The following CAMKMT variants were observed in gnomAD, a reference collection of about 807,000 sequenced individuals.
CAMKMT encodes CaM KMT.
A neutral mutation model predicts 48.0 loss-of-function variants in CAMKMT; 53 were observed. That is an observed-to-expected ratio of 1.10 (90% CI 0.89 to 1.39). The LOEUF is 1.39. Among genes scored for constraint, CAMKMT ranks in the 40% most tolerant of loss-of-function variants. The pLI, the probability that CAMKMT is intolerant of heterozygous loss-of-function variation, is 0.00. For synonymous variants in CAMKMT, 165 were observed against 152.3 expected (o/e 1.08, Z -0.61); for missense variants, 428 against 402.7 (o/e 1.06, Z -0.54).
intron 3 of CAMKMT, among the ~76,000 whole-genome samples, chr2:44,642,881 A>G (rs538789): frequency 0.062 from 9,401 of 152,206 alleles, 364 homozygotes; most frequent in South Asian, 0.15. Flanking sequence ...TAAAGATAGA[A>G]CATACAATTA....
intron 3 of CAMKMT, among the ~76,000 whole-genome samples, chr2:44,460,508 AAC>A (rs1182823245): frequency 6.6e-6 from 1 of 152,150 alleles, no homozygotes; most frequent in African/African-American, 2.4e-5. Context: ...ACTTATCAAA[AAC>A]AGTTCAAATT....
intron 2 of CAMKMT, among the ~76,000 whole-genome samples, chr2:44,381,865 A>G (rs1236023689): frequency 1.3e-5 from 2 of 151,070 alleles, no homozygotes; most frequent in Non-Finnish European, 2.9e-5. Flanking sequence ...AAGGAACCGT[A>G]TATTGCTTTT....
intron 3 of CAMKMT, among the ~76,000 whole-genome samples, chr2:44,489,284 C>T (rs906275734): frequency 3.6e-5 from 5 of 139,272 alleles, no homozygotes; most frequent in Non-Finnish European, 6.1e-5. Context: ...CTTGCTCTGT[C>T]GCCCAGGCTG....
chr2:44,389,835 G>C (rs944726591), intron 2 of CAMKMT, among the ~76,000 whole-genome samples: 2 of 152,100 alleles, frequency 1.3e-5, no homozygotes, highest in Admixed American at 1.3e-4. Context: ...CTGAAGTTCT[G>C]AATTTTTTGT....
At chr2:44,636,721 A>G (rs761501603) in intron 3 of CAMKMT, among the ~76,000 whole-genome samples, 2 of 152,190 alleles carry the variant, frequency 1.3e-5, no homozygotes, top group Non-Finnish European at 2.9e-5. Context: ...TTATGTATAC[A>G]TTTCCTATGC....
intron 3 of CAMKMT, among the ~76,000 whole-genome samples, chr2:44,402,327 TAA>T (rs61683632): frequency 0.12 from 13,803 of 116,318 alleles, 984 homozygotes; most frequent in African/African-American, 0.24. Context: ...AGACTCTGTC[TAA>T]AAAAAAAAAA....
chr2:44,553,519 C>A (rs996798298), intron 3 of CAMKMT, among the ~76,000 whole-genome samples: 1 of 152,134 alleles, frequency 6.6e-6, no homozygotes, highest in Non-Finnish European at 1.5e-5. Context: ...GGCCACCACA[C>A]CCCACTAATT....
At chr2:44,473,729 G>A (rs1345987741) in intron 3 of CAMKMT, among the ~76,000 whole-genome samples, 1 of 152,190 alleles carries the variant, frequency 6.6e-6, no homozygotes, top group Non-Finnish European at 1.5e-5. Context: ...ATTTAATGTA[G>A]AATAAGTATG....
intron 3 of CAMKMT, among the ~76,000 whole-genome samples, chr2:44,468,508 C>T (rs1027552805): frequency 2.0e-5 from 3 of 152,062 alleles, no homozygotes; most frequent in Non-Finnish European, 4.4e-5. Flanking sequence ...GGTATATATC[C>T]AAAGTAATTG....
intron 3 of CAMKMT, among the ~76,000 whole-genome samples, chr2:44,516,483 A>G (rs911127668): frequency 2.0e-5 from 3 of 152,156 alleles, no homozygotes; most frequent in Admixed American, 6.5e-5. Flanking sequence ...TTTTTCCCAA[A>G]TGTTAAAAAA....
At chr2:44,588,328 G>T (rs1296668347) in intron 3 of CAMKMT, among the ~76,000 whole-genome samples, 1 of 85,388 alleles carries the variant, frequency 1.2e-5, no homozygotes, top group African/African-American at 4.5e-5. Flanking sequence ...CCCCCGCCCG[G>T]CCAGCCGCCC....
chr2:44,651,825 G>A (rs1213724443), intron 3 of CAMKMT, among the ~76,000 whole-genome samples: 1 of 152,072 alleles, frequency 6.6e-6, no homozygotes, highest in Non-Finnish European at 1.5e-5. Context: ...CTTTTTGCAT[G>A]TTAATGAAAC....
At chr2:44,451,226 G>A (rs1330585161) in intron 3 of CAMKMT, among the ~76,000 whole-genome samples, 3 of 151,918 alleles carry the variant, frequency 2.0e-5, no homozygotes, top group African/African-American at 7.2e-5. Flanking sequence ...AAAATACCAT[G>A]GGTGGTATTC....
At chr2:44,514,855 T>A (rs1357122025) in intron 3 of CAMKMT, among the ~76,000 whole-genome samples, 1 of 152,210 alleles carries the variant, frequency 6.6e-6, no homozygotes, top group African/African-American at 2.4e-5. Context: ...TATTTTAAGA[T>A]AAGTATATAT....
At chr2:44,368,679 C>T (rs1316820206) in intron 1 of CAMKMT, among the ~76,000 whole-genome samples, 1 of 152,120 alleles carries the variant, frequency 6.6e-6, no homozygotes, top group Non-Finnish European at 1.5e-5. Context: ...ACCTTGACAT[C>T]AGAGTAATTT....
At chr2:44,422,209 C>T (rs562126284) in intron 3 of CAMKMT, among the ~76,000 whole-genome samples, 18 of 152,318 alleles carry the variant, frequency 1.2e-4, no homozygotes, top group Non-Finnish European at 7.3e-5. Context: ...TGCACTGTCT[C>T]ATGAGTAAAA....
intron 3 of CAMKMT, among the ~76,000 whole-genome samples, chr2:44,429,816 A>AG: frequency 6.6e-6 from 1 of 150,604 alleles, no homozygotes; most frequent in South Asian, 2.1e-4. Flanking sequence ...TCAAAAAAAA[A>AG]AAAAAAAAAA....
chr2:44,606,323 A>G (rs536360793), intron 3 of CAMKMT, among the ~76,000 whole-genome samples: 2 of 152,340 alleles, frequency 1.3e-5, no homozygotes, highest in East Asian at 3.9e-4. Flanking sequence ...GGATTGGCTG[A>G]AACGATTACC....
intron 3 of CAMKMT, among the ~76,000 whole-genome samples, chr2:44,535,490 C>G (rs903083158): frequency 6.6e-6 from 1 of 152,114 alleles, no homozygotes; most frequent in African/African-American, 2.4e-5. Context: ...AGGTTCTCAA[C>G]AAAATTCTAA....
Sources: gnomAD v4.1 joint callset for allele counts (sites outside exome capture counted in the v4.1 genomes callset) on GRCh38, gnomAD v4.1.1 for gene constraint, MANE v1.5 for transcripts, NCBI Gene and HGNC (gene_info 2026-07-23, HGNC 2026-07-21) for gene names.